The following CBLN2 variants were observed in gnomAD, a reference collection of about 807,000 sequenced individuals.
The protein encoded by CBLN2 is cerebellin-2.
A neutral mutation model predicts 15.0 loss-of-function variants in CBLN2; 7 were observed. The observed-to-expected ratio is 0.47, with a 90% CI of 0.27 to 0.88. The LOEUF (loss-of-function observed/expected upper bound fraction) is 0.88. CBLN2 is among the 40% of genes least tolerant of loss of function. The pLI, the probability that CBLN2 is intolerant of heterozygous loss-of-function variation, is 0.14. For missense variants in CBLN2, 242 were observed against 304.5 expected, an observed-to-expected ratio of 0.79 and a Z score of 1.53; for synonymous variants, 149 against 135.2, an observed-to-expected ratio of 1.10 and a Z score of -0.71.
At chr18:72,609,224 T>G (rs1179495844) in intron 1 of CBLN2, among the ~76,000 whole-genome samples, 1 of 152,170 alleles carries the variant, frequency 6.6e-6, no homozygotes, top group Non-Finnish European at 1.5e-5. Context: ...AATAGAAATT[T>G]TTATGGGCTC....
intron 3 of CBLN2, among the ~76,000 whole-genome samples, chr18:72,541,215 A>C (rs996075457): frequency 1.3e-5 from 2 of 152,076 alleles, no homozygotes; most frequent in Non-Finnish European, 2.9e-5. Context: ...TATTTCATTT[A>C]CTATATATTT....
At chr18:72,620,958 AG>A (rs2069696889) in intron 1 of CBLN2, among the ~76,000 whole-genome samples, 1 of 152,260 alleles carries the variant, frequency 6.6e-6, no homozygotes, top group South Asian at 2.1e-4. Flanking sequence ...ATAAGTGCAT[AG>A]GAAGTGCTAG....
At chr18:72,610,384 T>C (rs556018831) in intron 1 of CBLN2, among the ~76,000 whole-genome samples, 1 of 152,324 alleles carries the variant, frequency 6.6e-6, no homozygotes, top group South Asian at 2.1e-4. Flanking sequence ...TTATAAACTT[T>C]CCTGATGATC....
At chr18:72,580,195 A>G (rs997126699) in intron 1 of CBLN2, among the ~76,000 whole-genome samples, 2 of 152,118 alleles carry the variant, frequency 1.3e-5, no homozygotes, top group Non-Finnish European at 2.9e-5. Flanking sequence ...ATGACTAGAA[A>G]TGTTCTTAAA....
intron 1 of CBLN2, among the ~76,000 whole-genome samples, chr18:72,571,381 A>G (rs750989058): frequency 6.6e-6 from 1 of 152,106 alleles, no homozygotes; most frequent in African/African-American, 2.4e-5. Context: ...GGACAAACTG[A>G]TTGGTGACAG....
chr18:72,616,488 G>A (rs925997178), intron 1 of CBLN2, among the ~76,000 whole-genome samples: 4 of 152,124 alleles, frequency 2.6e-5, no homozygotes, highest in African/African-American at 9.7e-5. Flanking sequence ...ACAGAATGAG[G>A]GAACACAAGG....
At chr18:72,588,480 A>G (rs756084824) in intron 1 of CBLN2, among the ~76,000 whole-genome samples, 12 of 152,208 alleles carry the variant, frequency 7.9e-5, no homozygotes, top group Non-Finnish European at 1.5e-4. Flanking sequence ...TATCTAGTTC[A>G]AACACATTTT....
chr18:72,549,736 G>C (rs909546316), intron 1 of CBLN2, among the ~76,000 whole-genome samples: 1 of 152,106 alleles, frequency 6.6e-6, no homozygotes, highest in Non-Finnish European at 1.5e-5. Context: ...TGAGAAAACA[G>C]GAGAAATGGC....
intron 1 of CBLN2, among the ~76,000 whole-genome samples, chr18:72,610,786 G>A (rs74926814): frequency 0.017 from 2,585 of 152,250 alleles, 29 homozygotes; most frequent in Non-Finnish European, 0.024. Context: ...GGGGGTACAT[G>A]TGCAGGTTTG....
chr18:72,564,480 A>G (rs950241196), intron 1 of CBLN2, among the ~76,000 whole-genome samples: 2 of 152,182 alleles, frequency 1.3e-5, no homozygotes, highest in African/African-American at 4.8e-5. Flanking sequence ...TCTGAAGACA[A>G]GTCTTTTGAA....
intron 1 of CBLN2, among the ~76,000 whole-genome samples, chr18:72,620,839 A>C (rs554733226): frequency 6.6e-6 from 1 of 152,184 alleles, no homozygotes; most frequent in Non-Finnish European, 1.5e-5. Flanking sequence ...TTTCTCTAGG[A>C]AATCTGTCTT....
intron 1 of CBLN2, among the ~76,000 whole-genome samples, chr18:72,571,315 T>C (rs1366762791): frequency 6.6e-6 from 1 of 152,128 alleles, no homozygotes; most frequent in Non-Finnish European, 1.5e-5. Context: ...GCAAAGTGAT[T>C]GGACAGTTCT....
At chr18:72,615,069 T>A (rs899130880) in intron 1 of CBLN2, among the ~76,000 whole-genome samples, 30 of 136,328 alleles carry the variant, frequency 2.2e-4, no homozygotes, top group South Asian at 4.4e-4. Context: ...ATATATATAT[T>A]TATATATTAT....
upstream of CBLN2, among the ~76,000 whole-genome samples, chr18:72,547,707 T>C (rs2069167247): frequency 6.6e-6 from 1 of 152,126 alleles, no homozygotes; most frequent in Non-Finnish European, 1.5e-5. Flanking sequence ...AAATGCATGA[T>C]TTAAGGAAAA....
At chr18:72,558,319 G>T (rs561071208) in intron 1 of CBLN2, among the ~76,000 whole-genome samples, 24 of 152,286 alleles carry the variant, frequency 1.6e-4, no homozygotes, top group African/African-American at 5.8e-4. Flanking sequence ...ATACCCCATG[G>T]TGTTGTCACA....
chr18:72,617,783 C>T (rs2069672059), intron 1 of CBLN2, among the ~76,000 whole-genome samples: 1 of 152,062 alleles, frequency 6.6e-6, no homozygotes, highest in Non-Finnish European at 1.5e-5. Context: ...GTTGTGAAAA[C>T]ATATAATCTG....
At chr18:72,587,639 CT>C (rs1448474551) in intron 1 of CBLN2, among the ~76,000 whole-genome samples, 3 of 152,098 alleles carry the variant, frequency 2.0e-5, no homozygotes, top group Non-Finnish European at 4.4e-5. Context: ...TTCTGTTTGA[CT>C]TCAAAGACAA....
intron 1 of CBLN2, among the ~76,000 whole-genome samples, chr18:72,582,615 A>C: frequency 6.6e-6 from 1 of 152,202 alleles, no homozygotes; most frequent in East Asian, 1.9e-4. Flanking sequence ...TGGGAACCAA[A>C]CCTTGAGTAA....
intron 1 of CBLN2, among the ~76,000 whole-genome samples, chr18:72,611,431 T>C (rs2069621677): frequency 6.6e-6 from 1 of 152,184 alleles, no homozygotes; most frequent in Non-Finnish European, 1.5e-5. Context: ...CTTTCAATAA[T>C]AGCCATCTGA....
Sources: gnomAD v4.1 joint callset for allele counts (sites outside exome capture counted in the v4.1 genomes callset) on GRCh38, gnomAD v4.1.1 for gene constraint, MANE v1.5 for transcripts, NCBI Gene and HGNC (gene_info 2026-07-23, HGNC 2026-07-21) for gene names.